STK39: variants seen among roughly 807,000 people sequenced by gnomAD.
STK39 encodes the protein STE20/SPS1-related proline-alanine-rich protein kinase.
In STK39, 20 loss-of-function variants were observed where a neutral mutation model predicts 77.8. That is an observed-to-expected ratio of 0.26 (90% CI 0.18 to 0.37). The LOEUF (loss-of-function observed/expected upper bound fraction) is 0.37. Ranked by LOEUF, STK39 falls within the 10% of genes least tolerant of loss-of-function variation. The pLI is 1.00. For missense variants in STK39, 479 were observed against 656.5 expected, an observed-to-expected ratio of 0.73 and a Z score of 2.95; for synonymous variants, 246 against 234.1, an observed-to-expected ratio of 1.05 and a Z score of -0.47.
In STK39 at chr2:168,170,924, A is replaced by G. The variant is rs571516176; in HGVS notation, c.322-3517T>C. On this transcript the variant is annotated intron_variant, in intron 2 of 17. Transcript: ENST00000355999. ...ATTTAAAAAAGAAACGCAAGCAAAC[A>G]AACAAACAAAAATCCCACGAGGTCA... Among the ~76,000 whole-genome samples the G allele has an allele frequency of 3.9e-5, 6 of 152,370 alleles. No homozygotes were observed. In the East Asian group the frequency reaches 7.7e-4, roughly 20 times the overall value.
intron 14 of STK39, among the ~76,000 whole-genome samples, chr2:168,055,910 T>C (rs1685511485): frequency 6.6e-6 from 1 of 152,226 alleles, no homozygotes; most frequent in African/African-American, 2.4e-5. Context: ...TTGGTATTTT[T>C]CTCCTGAGTT....
At position 168,012,611 on chromosome 2, in the gene STK39, G is replaced by C. The variant is rs771900070; in HGVS notation, c.1498+23C>G. ...CATTTTATATACCAACAAAATGACAGTGCATACTAAAAAACAATTTACCTA... is the reference window on the plus strand; with the variant it reads ...CATTTTATATACCAACAAAATGACACTGCATACTAAAAAACAATTTACCTA... On this transcript the variant is annotated intron_variant, in intron 16 of 17. Transcript: ENST00000355999. 19 of 1,605,534 alleles carry C rather than the reference G, an allele frequency of 1.2e-5. 1 individual carries two copies. The East Asian group carries it at 4.0e-4, about 34-fold the overall frequency.
At chr2:168,161,901 T>A in intron 4 of STK39, 59 bp from the exon 5 acceptor site, 1 of 1,283,140 alleles carries the variant, frequency 7.8e-7, no homozygotes, top group Non-Finnish European at 1.1e-6. Flanking sequence ...GTGTATTGAT[T>A]CACTCAGGAA....
At chr2:168,052,375 GT>G (rs1324625243) in intron 14 of STK39, among the ~76,000 whole-genome samples, 2 of 152,078 alleles carry the variant, frequency 1.3e-5, no homozygotes, top group Non-Finnish European at 2.9e-5. Flanking sequence ...CTTTAAAATA[GT>G]AGGTACCTTA....
At chr2:168,119,336 G>A (rs1004773749) in intron 10 of STK39, among the ~76,000 whole-genome samples, 2 of 152,108 alleles carry the variant, frequency 1.3e-5, no homozygotes, top group South Asian at 2.1e-4. Context: ...GAGAACTGCA[G>A]AAACCAAAGA....
chr2:168,132,319 T>C (rs1207661471), intron 8 of STK39, among the ~76,000 whole-genome samples: 1 of 152,096 alleles, frequency 6.6e-6, no homozygotes, highest in Non-Finnish European at 1.5e-5. Context: ...AAACAGCCCC[T>C]CAGCTAGTGT....
chr2:168,046,468 C>A (rs1002798326), intron 14 of STK39, among the ~76,000 whole-genome samples: 13 of 152,206 alleles, frequency 8.5e-5, no homozygotes, highest in African/African-American at 3.1e-4. Context: ...GCACACCTAC[C>A]CCCGTGTCTT....
At chr2:168,073,078 A>G (rs1186101249) in intron 12 of STK39, among the ~76,000 whole-genome samples, 1 of 152,206 alleles carries the variant, frequency 6.6e-6, no homozygotes, top group Non-Finnish European at 1.5e-5. Flanking sequence ...TAAACCACCT[A>G]TGACTTTCAT....
At chr2:167,955,667 T>C (rs981161840) in intron 17 of STK39, 97 bp from the exon 18 acceptor site, 63 of 1,171,742 alleles carry the variant, frequency 5.4e-5, no homozygotes, top group South Asian at 3.6e-4. Flanking sequence ...AAAGGCACAG[T>C]TGGTATGGGA....
intron 1 of STK39, among the ~76,000 whole-genome samples, chr2:168,232,809 G>T (rs920057267): frequency 1.7e-4 from 26 of 152,066 alleles, no homozygotes; most frequent in African/African-American, 6.3e-4. Context: ...CTACTCAGGA[G>T]GCTGAGGCAG....
At chr2:167,970,406 C>G (rs528269786) in intron 16 of STK39, among the ~76,000 whole-genome samples, 2 of 152,196 alleles carry the variant, frequency 1.3e-5, no homozygotes, top group South Asian at 4.2e-4. Flanking sequence ...GATATCAGTG[C>G]CCAGCACAAT....
At chr2:168,195,417 A>G (rs1258215481) in intron 1 of STK39, among the ~76,000 whole-genome samples, 1 of 152,126 alleles carries the variant, frequency 6.6e-6, no homozygotes, top group African/African-American at 2.4e-5. Flanking sequence ...AACCACCAAA[A>G]GACAGTTACC....
chr2:168,144,968 G>A (rs1365779815), intron 5 of STK39, among the ~76,000 whole-genome samples: 1 of 109,984 alleles, frequency 9.1e-6, no homozygotes, highest in Admixed American at 9.2e-5. Flanking sequence ...GCAACAGAGT[G>A]AGCCCGTCTC....
At chr2:167,989,497 T>C (rs1293251504) in intron 16 of STK39, among the ~76,000 whole-genome samples, 1 of 152,114 alleles carries the variant, frequency 6.6e-6, no homozygotes, top group African/African-American at 2.4e-5. Flanking sequence ...AGATTTTAAA[T>C]AGTCAACCAA....
chr2:168,120,996 T>C (rs1687391276), intron 10 of STK39, among the ~76,000 whole-genome samples: 1 of 152,182 alleles, frequency 6.6e-6, no homozygotes, highest in Non-Finnish European at 1.5e-5. Flanking sequence ...TGCCTGTGAA[T>C]AGCACAGACA....
chr2:168,205,593 G>C (rs914031430), intron 1 of STK39, among the ~76,000 whole-genome samples: 1 of 152,136 alleles, frequency 6.6e-6, no homozygotes, highest in African/African-American at 2.4e-5. Context: ...GAGGGACGGG[G>C]ATTGCTTGAG....
At chr2:168,110,868 A>G (rs1218127606) in intron 10 of STK39, among the ~76,000 whole-genome samples, 1 of 152,178 alleles carries the variant, frequency 6.6e-6, no homozygotes, top group African/African-American at 2.4e-5. Flanking sequence ...TTGGGGATAA[A>G]TGGTGTCCTT....
intron 1 of STK39, among the ~76,000 whole-genome samples, chr2:168,242,892 CA>C (rs56028340): frequency 2.3e-3 from 302 of 133,198 alleles, no homozygotes; most frequent in Admixed American, 3.5e-3. Context: ...GACCCTTTAT[CA>C]AAAAAAAAAA....
At chr2:168,016,387 C>CCAA (rs1684404548) in intron 15 of STK39, among the ~76,000 whole-genome samples, 2 of 65,648 alleles carry the variant, frequency 3.0e-5, no homozygotes, top group Admixed American at 2.1e-4. Flanking sequence ...GGCCTTTGTT[C>CCAA]AAAAAAAAAA....
Sources: allele counts gnomAD v4.1 joint callset (sites outside exome capture counted in the v4.1 genomes callset), GRCh38; gene constraint gnomAD v4.1.1; transcripts MANE v1.5; gene names NCBI Gene and HGNC (gene_info 2026-07-23, HGNC 2026-07-21).